The following MIA2 variants were observed in gnomAD, a reference collection of about 807,000 sequenced individuals.
MIA2 encodes the protein MIA SH3 domain ER export factor 2.
Under a neutral mutation model 167.8 loss-of-function variants are expected in MIA2, and 127 were observed. That is an observed-to-expected ratio of 0.76 (90% CI 0.66 to 0.88). The LOEUF is 0.88. Ranked by LOEUF, MIA2 falls within the 40% of genes least tolerant of loss-of-function variation. The pLI is 0.00. For missense variants in MIA2, 1,690 were observed against 1,624.7 expected (o/e 1.04, Z -0.69); for synonymous variants, 552 against 541.9 (o/e 1.02, Z -0.26).
intron 17 of MIA2, among the ~76,000 whole-genome samples, chr14:39,306,243 C>T (rs992664633): frequency 5.9e-5 from 9 of 151,994 alleles, no homozygotes; most frequent in East Asian, 3.9e-4. Flanking sequence ...TATATTAGTC[C>T]GTTCTCACAT....
At chr14:39,358,428 A>G (rs1361475069) in intron 23 of MIA2, among the ~76,000 whole-genome samples, 3 of 152,014 alleles carry the variant, frequency 2.0e-5, no homozygotes, top group Non-Finnish European at 2.9e-5. Flanking sequence ...ATTTCTCTGC[A>G]TTGGTTATTC....
At chr14:39,381,344 TACAC>T (rs199928469) in intron 23 of MIA2, among the ~76,000 whole-genome samples, 6 of 152,164 alleles carry the variant, frequency 3.9e-5, no homozygotes, top group South Asian at 2.1e-4. Flanking sequence ...GCCTTTTAAA[TACAC>T]ACACACACAT....
At chr14:39,381,280 A>G (rs536382945) in intron 23 of MIA2, among the ~76,000 whole-genome samples, 1 of 152,332 alleles carries the variant, frequency 6.6e-6, no homozygotes, top group South Asian at 2.1e-4. Context: ...TCTACTGAGA[A>G]GAAATAAAAC....
intron 16 of MIA2, among the ~76,000 whole-genome samples, 166 bp downstream of exon 16, chr14:39,303,690 C>CT (rs2062872256): frequency 2.0e-5 from 3 of 151,922 alleles, no homozygotes; most frequent in Admixed American, 2.0e-4. Context: ...CAATTATTAA[C>CT]TTTAGAAATT....
At chr14:39,350,990 G>T (rs574953461), downstream of MIA2, 1 of 151,936 alleles carries the variant, frequency 6.6e-6, no homozygotes, top group Admixed American at 6.6e-5. Context: ...CTTTTGTAAG[G>T]TATTTACTAT....
At chr14:39,263,570 T>A (rs2055242715) in intron 6 of MIA2, among the ~76,000 whole-genome samples, 1 of 151,312 alleles carries the variant, frequency 6.6e-6, no homozygotes, top group African/African-American at 2.4e-5. Context: ...TTCCTTTCCT[T>A]TCCTTTCCTT....
intron 10 of MIA2, among the ~76,000 whole-genome samples, chr14:39,291,627 T>C (rs1224845995): frequency 1.3e-5 from 2 of 152,174 alleles, no homozygotes; most frequent in Non-Finnish European, 2.9e-5. Context: ...AGCAGCCTTA[T>C]TTGTAGCATT....
At chr14:39,353,245 TACTA>T (rs1595928946), downstream of MIA2, among the ~76,000 whole-genome samples, 1 of 152,206 alleles carries the variant, frequency 6.6e-6, no homozygotes, top group Non-Finnish European at 1.5e-5. Context: ...AAAATATTGT[TACTA>T]AGTATCATCA....
intron 24 of MIA2, among the ~76,000 whole-genome samples, chr14:39,321,539 A>T (rs1019000764): frequency 6.6e-6 from 1 of 151,996 alleles, no homozygotes; most frequent in African/African-American, 2.4e-5. Context: ...GATGGTCTCG[A>T]TCTCCTGACC....
chr14:39,274,966 T>G (rs1421558603), intron 6 of MIA2, among the ~76,000 whole-genome samples: 1 of 149,268 alleles, frequency 6.7e-6, no homozygotes, highest in Non-Finnish European at 1.5e-5. Flanking sequence ...TCCCAGCTAC[T>G]CGGGAGGCTG....
At chr14:39,335,077 C>A (rs1296475623) in intron 25 of MIA2, among the ~76,000 whole-genome samples, 2 of 152,034 alleles carry the variant, frequency 1.3e-5, no homozygotes, top group African/African-American at 2.4e-5. Context: ...TAGTGAGATT[C>A]TGTCTCCACA....
At chr14:39,376,222 G>A (rs1011426364) in intron 23 of MIA2, among the ~76,000 whole-genome samples, 1 of 152,122 alleles carries the variant, frequency 6.6e-6, no homozygotes, top group Non-Finnish European at 1.5e-5. Flanking sequence ...CCAAAGTGCT[G>A]GGATTACAGG....
intron 17 of MIA2, 78 bp from the exon 18 acceptor site, chr14:39,308,371 T>A: frequency 1.1e-6 from 1 of 877,854 alleles, no homozygotes; most frequent in Non-Finnish European, 1.6e-6. Flanking sequence ...TTATTTTTAG[T>A]AATTTTTATC....
intron 7 of MIA2, among the ~76,000 whole-genome samples, chr14:39,277,692 G>T (rs927293456): frequency 1.4e-3 from 6 of 4,340 alleles, no homozygotes; most frequent in African/African-American, 7.2e-3. Flanking sequence ...ATATATGTGT[G>T]TATATATATA....
intron 25 of MIA2, among the ~76,000 whole-genome samples, chr14:39,338,353 T>C (rs2070950448): frequency 6.6e-6 from 1 of 152,192 alleles, no homozygotes. Context: ...TGTGAATCTA[T>C]TTTAAAATAA....
chr14:39,330,533 G>A (rs1386450926), intron 25 of MIA2, among the ~76,000 whole-genome samples: 1 of 152,034 alleles, frequency 6.6e-6, no homozygotes, highest in African/African-American at 2.4e-5. Flanking sequence ...TACTTCTGTA[G>A]TTCTTTTAAT....
intron 6 of MIA2, among the ~76,000 whole-genome samples, chr14:39,261,275 T>G (rs2055095790): frequency 6.6e-6 from 1 of 152,120 alleles, no homozygotes; most frequent in Middle Eastern, 3.2e-3. Flanking sequence ...TTGCTCAAAA[T>G]GATGGTTTCC....
rs777154147 is a variant in MIA2, at chr14:39,308,430, A to G, written c.2879-19A>G. 6.4e-6 allele frequency: 9 copies of G among 1,413,892 alleles called. No individual in the cohort carries two copies. In the African/African-American group the frequency reaches 1.2e-4, roughly 19 times the overall value. 87.6% of individuals were successfully genotyped at this position (1,413,892 alleles called of 1,614,324 possible). On this transcript the variant is annotated intron_variant, in intron 17 of 28. Coordinates refer to ENST00000640607, the MANE Select transcript of MIA2 (RefSeq NM_001329214.4). ...TCAAAATGTTTCTCCTTTAATTATG[A>G]CTTAAAATTTTTATATAGAGCATAT...
intron 18 of MIA2, among the ~76,000 whole-genome samples, chr14:39,309,722 T>A (rs1312403171): frequency 1.3e-5 from 2 of 152,210 alleles, no homozygotes; most frequent in Non-Finnish European, 2.9e-5. Context: ...GAGAGAAAAT[T>A]ATTTTCTTCA....
Sources: allele counts gnomAD v4.1 joint callset (sites outside exome capture counted in the v4.1 genomes callset), GRCh38; gene constraint gnomAD v4.1.1; transcripts MANE v1.5; gene names NCBI Gene and HGNC (gene_info 2026-07-23, HGNC 2026-07-21).